The following IMPA2 variants were observed in gnomAD, a reference collection of about 807,000 sequenced individuals.
IMPA2 encodes the protein IMP 2.
A neutral mutation model predicts 35.1 loss-of-function variants in IMPA2; 32 were observed. That is an observed-to-expected ratio of 0.91 (90% confidence interval 0.69 to 1.23). IMPA2 has a LOEUF of 1.23. Among genes scored for constraint, IMPA2 ranks in the 50% most tolerant of loss-of-function variants. The pLI, the probability that IMPA2 is intolerant of heterozygous loss-of-function variation, is 0.00. For missense variants in IMPA2, 334 were observed against 387.6 expected, an observed-to-expected ratio of 0.86 and a Z score of 1.16; for synonymous variants, 135 against 160.6, an observed-to-expected ratio of 0.84 and a Z score of 1.20.
chr18:11,995,543 T>G lies in IMPA2; in HGVS notation c.97-3511T>G, dbSNP rs80090348. Among the ~76,000 whole-genome samples, 12 of 152,284 alleles carry G rather than the reference T, an allele frequency of 7.9e-5. No homozygotes were observed. The East Asian group carries it at 2.1e-3, about 27-fold the overall frequency. ...TACAAGGGCAAATCTGGAAGCTATT[T>G]TATGCTCCCTTCAGGGGTTTTGACT... On this transcript the variant is annotated intron_variant, in intron 1 of 7. Transcript: ENST00000269159.
At chr18:11,984,263 T>G (rs1906591417) in intron 1 of IMPA2, among the ~76,000 whole-genome samples, 1 of 152,180 alleles carries the variant, frequency 6.6e-6, no homozygotes, top group Non-Finnish European at 1.5e-5. Context: ...TCTGTGCCAC[T>G]CTTCCTTCCG....
chr18:12,019,168 T>G (rs1907661482), intron 5 of IMPA2, among the ~76,000 whole-genome samples: 1 of 152,122 alleles, frequency 6.6e-6, no homozygotes, highest in Non-Finnish European at 1.5e-5. Context: ...CATAGATACG[T>G]AGTTTAAAAA....
At chr18:12,011,986 T>C (rs1907445300) in intron 3 of IMPA2, among the ~76,000 whole-genome samples, 184 bp from the exon 4 acceptor site, 1 of 152,262 alleles carries the variant, frequency 6.6e-6, no homozygotes, top group Admixed American at 6.5e-5. Flanking sequence ...TCTTACGACA[T>C]GGTCAGTTTA....
At chr18:12,001,944 C>T (rs1476900624) in intron 2 of IMPA2, among the ~76,000 whole-genome samples, 1 of 152,212 alleles carries the variant, frequency 6.6e-6, no homozygotes, top group Non-Finnish European at 1.5e-5. Flanking sequence ...CCCCATCTTC[C>T]CTAGCTCTGA....
intron 2 of IMPA2, chr18:12,008,661 G>A (rs908400648): frequency 1.2e-5 from 5 of 423,206 alleles, no homozygotes; most frequent in Non-Finnish European, 2.4e-5. Flanking sequence ...GTGGGGTGCA[G>A]GAGGAAGGGT....
At chr18:12,006,310 C>T (rs377756899) in intron 2 of IMPA2, among the ~76,000 whole-genome samples, 2 of 152,346 alleles carry the variant, frequency 1.3e-5, no homozygotes, top group East Asian at 1.9e-4. Flanking sequence ...TTGGGGAGCA[C>T]CAGTTCCTGA....
rs1907394361 is a variant in IMPA2 at position 12,010,166 on chromosome 18, T to C, written c.335+179T>C. ...TATTTTTAAAATAAGGTTTTCCGTT[T>C]GTGAGAGGCTCTTGGAGTATGTTAG... is the stretch of plus-strand genomic sequence containing the variant. On this transcript the variant is annotated intron_variant, in intron 3 of 7. Coordinates refer to ENST00000269159, the MANE Select transcript of IMPA2 (RefSeq NM_014214.3). This position sits in a 1 kb window ranked among gnomAD's most constrained non-coding sequence, Gnocchi z 4.8. 1 of 526,736 alleles carries C rather than the reference T, an allele frequency of 1.9e-6. No individual in the cohort carries two copies. The highest frequency in any genetic ancestry group is 2.7e-5 in the South Asian group (1 of 37,272). The allele number at this position is 526,736 out of a possible 1,614,324, so 32.6% of individuals were successfully genotyped here. A position where few individuals can be genotyped will look rare whatever the true frequency, so the allele number is the denominator to read the frequency against.
intron 5 of IMPA2, among the ~76,000 whole-genome samples, chr18:12,025,426 TA>T: frequency 6.6e-6 from 1 of 152,242 alleles, no homozygotes; most frequent in African/African-American, 2.4e-5. Flanking sequence ...AGAGTATGTT[TA>T]GATTTGTAGG....
In IMPA2 at chr18:12,010,594, G is replaced by A. The variant is rs1437205411; in HGVS notation, c.335+607G>A. Among the ~76,000 whole-genome samples the A allele has an allele frequency of 6.6e-6, 1 of 152,206 alleles. No individual in the cohort carries two copies. The stretch of plus-strand genomic sequence containing the variant: ...ATGGTGCTGCGCTGCCTGTCTACAC[G>A]CACAGGTGGCTGGGGGCCTGGGGCA... On this transcript the variant is annotated intron_variant, in intron 3 of 7. Transcript: ENST00000269159. This position sits in a 1 kb window ranked among gnomAD's most constrained non-coding sequence, Gnocchi z 4.8.
chr18:12,012,322 C>T, intron 4 of IMPA2, 107 bp downstream of exon 4: 1 of 915,254 alleles, frequency 1.1e-6, no homozygotes, highest in South Asian at 1.4e-5. Context: ...TGCCCTGTGC[C>T]TTAATCATGA....
intron 2 of IMPA2, among the ~76,000 whole-genome samples, chr18:11,999,692 C>T (rs576356329): frequency 5.2e-5 from 8 of 152,382 alleles, no homozygotes; most frequent in East Asian, 1.9e-4. Context: ...GGCCAGAGGG[C>T]GCAGTGGGAA....
Position 11,981,520 on chromosome 18 carries a change from A to G in IMPA2, c.-150A>G, listed in dbSNP as rs1165571530. The G allele has an allele frequency of 2.0e-5, 9 of 450,646 alleles. No individual in the cohort carries two copies. The highest frequency in any genetic ancestry group is 3.2e-5 in the Non-Finnish European group (9 of 277,996). 27.9% of individuals were successfully genotyped at this position (450,646 alleles called of 1,614,324 possible). A position where few individuals can be genotyped will look rare whatever the true frequency, so the allele number is the denominator to read the frequency against. ...CGGCCCGCTGGCTGCCCTTCCCGCC[A>G]GCGCAGGTGTGGGACGGGCGGCGGA... On this transcript the variant is annotated 5_prime_UTR_variant, in exon 1 of 8. Transcript: ENST00000269159.
intron 5 of IMPA2, 40 bp from the exon 6 acceptor site, chr18:12,028,003 A>G (rs1325139163): frequency 2.9e-6 from 4 of 1,386,796 alleles, no homozygotes; most frequent in Non-Finnish European, 4.1e-6. Flanking sequence ...TAGAACCAAG[A>G]CTTGATTTTT....
chr18:12,003,276 G>A (rs143691723), intron 2 of IMPA2, among the ~76,000 whole-genome samples: 3 of 152,120 alleles, frequency 2.0e-5, no homozygotes, highest in Non-Finnish European at 4.4e-5. Flanking sequence ...TTAGGGCCTC[G>A]AACTCCTCAC....
chr18:12,005,766 C>G (rs41417346), intron 2 of IMPA2, among the ~76,000 whole-genome samples: 21,947 of 152,116 alleles, frequency 0.14, 1,838 homozygotes, highest in African/African-American at 0.22. Flanking sequence ...GTGAGTTGTC[C>G]TGGGTGTGGA....
At chr18:11,987,548 C>T (rs1211364479) in intron 1 of IMPA2, among the ~76,000 whole-genome samples, 2 of 152,124 alleles carry the variant, frequency 1.3e-5, no homozygotes, top group African/African-American at 4.8e-5. Flanking sequence ...CCAGGCTGAT[C>T]TAGAACTCCT....
intron 5 of IMPA2, among the ~76,000 whole-genome samples, chr18:12,019,119 C>A (rs976974585): frequency 1.3e-5 from 2 of 152,144 alleles, no homozygotes; most frequent in Non-Finnish European, 1.5e-5. Context: ...AGCCACCAAC[C>A]CAGCCTGTTT....
intron 5 of IMPA2, among the ~76,000 whole-genome samples, chr18:12,024,695 CT>C (rs1486504842): frequency 2.0e-5 from 3 of 151,948 alleles, no homozygotes; most frequent in East Asian, 3.9e-4. Context: ...CCCTTCTTTC[CT>C]TTTCCTCCCT....
chr18:11,987,273 C>T (rs7506045), intron 1 of IMPA2, among the ~76,000 whole-genome samples: 16,109 of 152,224 alleles, frequency 0.11, 1,040 homozygotes, highest in East Asian at 0.28. Flanking sequence ...TGGGAACTTC[C>T]GCTGCATGGT....
Sources: gnomAD v4.1 joint callset for allele counts (sites outside exome capture counted in the v4.1 genomes callset) on GRCh38, gnomAD v4.1.1 for gene constraint, Gnocchi (gnomAD v3.1) non-coding constraint, MANE v1.5 for transcripts, NCBI Gene and HGNC (gene_info 2026-07-23, HGNC 2026-07-21) for gene names.